Variants in MTDH observed in about 807,000 individuals in gnomAD.
MTDH encodes the protein metadherin.
Under a neutral mutation model 72.7 loss-of-function variants are expected in MTDH, and 34 were observed. The ratio of observed to expected loss-of-function variants is 0.47; its 90% CI spans 0.36 to 0.62. The LOEUF (loss-of-function observed/expected upper bound fraction) is 0.62. Among genes scored for constraint, MTDH ranks in the 20% least tolerant of loss-of-function variants. The pLI is 0.00. For missense variants in MTDH, 677 were observed against 699.4 expected (o/e 0.97, Z 0.36); for synonymous variants, 266 against 268.9 (o/e 0.99, Z 0.10).
At chr8:97,662,419 C>G (rs1812209582) in intron 2 of MTDH, among the ~76,000 whole-genome samples, 1 of 151,756 alleles carries the variant, frequency 6.6e-6, no homozygotes, top group South Asian at 2.1e-4. Flanking sequence ...CAAAACAAGA[C>G]AGTCACTGAT....
intron 1 of MTDH, among the ~76,000 whole-genome samples, chr8:97,654,491 T>G (rs774040301): frequency 6.6e-6 from 1 of 152,192 alleles, no homozygotes; most frequent in Non-Finnish European, 1.5e-5. Flanking sequence ...TAAGACTGTC[T>G]TATAGTCTAA....
chr8:97,661,672 A>G (rs1014117488), intron 2 of MTDH, among the ~76,000 whole-genome samples: 2 of 152,182 alleles, frequency 1.3e-5, no homozygotes, highest in Admixed American at 6.5e-5. Context: ...GCCAGGTGCT[A>G]TGGCTCATGC....
chr8:97,687,526 T>C lies in MTDH; in HGVS notation c.666T>C (p.Pro222=). The C allele has an allele frequency of 2.5e-6, 4 of 1,613,670 alleles. No homozygotes were observed. The highest frequency in any genetic ancestry group is 3.4e-6 in the Non-Finnish European group (4 of 1,179,738). The change falls in exon 4 of 12, where the codon CCT becomes CCC. Residue 222 remains proline, a synonymous_variant. Coordinates refer to ENST00000336273, the MANE Select transcript of MTDH (RefSeq NM_178812.4). ...CTGGTTCATTGGATTCAACTATCCC[T>C]GGGATAGAAAATACCATCACAGTTA... is the stretch of plus-strand genomic sequence containing the variant. ...TDSGSLDSTI[P]GIENTITVTT... is the part of the protein sequence containing the mutation.
At chr8:97,677,101 T>G (rs558756469) in intron 2 of MTDH, among the ~76,000 whole-genome samples, 1 of 141,968 alleles carries the variant, frequency 7.0e-6, no homozygotes, top group South Asian at 2.2e-4. Flanking sequence ...GAGGATCACT[T>G]GAGCCCAGGA....
chr8:97,644,490 C>T lies in MTDH; in HGVS notation c.-17C>T, dbSNP rs1563513826. 1.3e-6 allele frequency: 2 copies of T among 1,559,446 alleles called. No homozygotes were observed. The highest frequency in any genetic ancestry group is 2.4e-5 in the East Asian group (1 of 41,770). ...CGCCCCGGCGTCATCCTGCGAGTCC[C>T]TCTGACGGGAGGGAAGATGGCTGCA... On this transcript the variant is annotated 5_prime_UTR_variant, in exon 1 of 12. Coordinates refer to ENST00000336273, the MANE Select transcript of MTDH (RefSeq NM_178812.4).
intron 2 of MTDH, among the ~76,000 whole-genome samples, chr8:97,667,038 C>T (rs189533343): frequency 2.2e-4 from 34 of 151,610 alleles, no homozygotes; most frequent in Non-Finnish European, 4.9e-4. Flanking sequence ...GTTACCCAGC[C>T]TGGAGCGCAG....
At chr8:97,676,266 T>G (rs1812841639) in intron 2 of MTDH, among the ~76,000 whole-genome samples, 1 of 152,156 alleles carries the variant, frequency 6.6e-6, no homozygotes, top group South Asian at 2.1e-4. Context: ...TTTTATTTAC[T>G]TATTTTTGCT....
rs1815495989 is a variant in MTDH, at chr8:97,729,962, G to T, written c.*5292G>T. Among the ~76,000 whole-genome samples, 1 of 152,136 alleles carries T rather than the reference G, an allele frequency of 6.6e-6. No homozygotes were observed. The highest frequency in any genetic ancestry group is 6.6e-5 in the Admixed American group (1 of 15,256). Reference sequence around the variant, plus strand: ...TATAATATTTTAAAACATGAAAAAGGCATTACTATTGTTCTGGTCTAAGTA... The same window carrying T: ...TATAATATTTTAAAACATGAAAAAGTCATTACTATTGTTCTGGTCTAAGTA... On this transcript the variant is annotated 3_prime_UTR_variant, in exon 12 of 12. Transcript: ENST00000336273.
At chr8:97,645,808 T>C (rs1400136759) in intron 1 of MTDH, among the ~76,000 whole-genome samples, 2 of 152,226 alleles carry the variant, frequency 1.3e-5, no homozygotes, top group African/African-American at 4.8e-5. Context: ...TAAAAATATT[T>C]TACATTTGAG....
intron 11 of MTDH, 149 bp from the exon 12 acceptor site, chr8:97,724,451 A>C: frequency 1.8e-6 from 1 of 550,990 alleles, no homozygotes; most frequent in Non-Finnish European, 3.1e-6. Context: ...GAATAACTTA[A>C]AATATATAAC....
intron 9 of MTDH, among the ~76,000 whole-genome samples, chr8:97,715,379 T>C (rs537770943): frequency 6.6e-6 from 1 of 152,108 alleles, no homozygotes; most frequent in Non-Finnish European, 1.5e-5. Flanking sequence ...TCTTCCTGCC[T>C]CAGCCTCCCA....
At chr8:97,692,934 G>A (rs753108045) in intron 6 of MTDH, among the ~76,000 whole-genome samples, 2 of 152,108 alleles carry the variant, frequency 1.3e-5, no homozygotes, top group African/African-American at 2.4e-5. Flanking sequence ...GTTTCACCAT[G>A]TTGGCCACAC....
At chr8:97,695,899 A>G (rs765595876) in intron 6 of MTDH, among the ~76,000 whole-genome samples, 2 of 152,244 alleles carry the variant, frequency 1.3e-5, no homozygotes, top group Non-Finnish European at 2.9e-5. Context: ...AGCTTGGTAT[A>G]GTGGAAAAGA....
At chr8:97,660,438 A>C (rs899345518) in intron 1 of MTDH, among the ~76,000 whole-genome samples, 3 of 152,174 alleles carry the variant, frequency 2.0e-5, no homozygotes, top group Admixed American at 6.5e-5. Context: ...GCTACAATGG[A>C]GGAATTATGT....
Position 97,728,494 on chromosome 8 carries a change from A to G in MTDH, c.*3824A>G, listed in dbSNP as rs1317235927. ...CTTATGTCATTTTAGCAGTAGATGT[A>G]GCTGCCTGCCACCAGGTGCAATATG... On this transcript the variant is annotated 3_prime_UTR_variant, in exon 12 of 12. Coordinates refer to ENST00000336273, the MANE Select transcript of MTDH (RefSeq NM_178812.4). 2 of 152,182 alleles carry G rather than the reference A, an allele frequency of 1.3e-5. No homozygotes were observed. Among genetic ancestry groups the G allele is most frequent in the African/African-American group, 2.4e-5 (1 of 41,438 alleles). 9.4% of individuals were successfully genotyped at this position (152,182 alleles called of 1,614,324 possible).
chr8:97,663,252 CAG>C (rs1223409614), intron 2 of MTDH, among the ~76,000 whole-genome samples: 3 of 152,044 alleles, frequency 2.0e-5, no homozygotes, highest in Non-Finnish European at 2.9e-5. Flanking sequence ...TTGAATGTGA[CAG>C]GGTATAAAAT....
At position 97,726,159 on chromosome 8, in the gene MTDH, C is replaced by T. The variant is rs1476296168; in HGVS notation, c.*1489C>T. On this transcript the variant is annotated 3_prime_UTR_variant, in exon 12 of 12. Coordinates refer to ENST00000336273, the MANE Select transcript of MTDH (RefSeq NM_178812.4). ...GGTTTTAGTTTTGCTGAAGACTGGC[C>T]TTATTAATGGACAGCTTTCCTAACA... The T allele has an allele frequency of 6.6e-6, 1 of 152,560 alleles. No homozygotes were observed. Among genetic ancestry groups the T allele is most frequent in the Non-Finnish European group, 1.5e-5 (1 of 68,034 alleles). The allele number at this position is 152,560 out of a possible 1,614,324, so 9.5% of individuals were successfully genotyped here. A position where few individuals can be genotyped will look rare whatever the true frequency, so the allele number is the denominator to read the frequency against.
chr8:97,661,550 T>C (rs763555256), intron 2 of MTDH, among the ~76,000 whole-genome samples: 1 of 152,242 alleles, frequency 6.6e-6, no homozygotes, highest in Admixed American at 6.5e-5. Context: ...ATGAAAACCT[T>C]AGCAAAATCG....
At position 97,687,422 on chromosome 8, in the gene MTDH, A is replaced by G. The variant is rs774959822; in HGVS notation, c.569-7A>G. 12 of 1,580,470 alleles carry G rather than the reference A, an allele frequency of 7.6e-6. No individual in the cohort carries two copies. In the Middle Eastern group the frequency reaches 6.8e-4, roughly 89 times the overall value. On this transcript the variant is annotated splice_region_variant and splice_polypyrimidine_tract_variant and intron_variant, in intron 3 of 11. Coordinates refer to ENST00000336273, the MANE Select transcript of MTDH (RefSeq NM_178812.4). ...TGAATAACATTTTTTTTCTGGGGCTATGTCAGGAGCCTGGGAAACTAAAAT... is the reference window on the plus strand; with the variant it reads ...TGAATAACATTTTTTTTCTGGGGCTGTGTCAGGAGCCTGGGAAACTAAAAT...
Sources: allele counts gnomAD v4.1 joint callset (sites outside exome capture counted in the v4.1 genomes callset), GRCh38; gene constraint gnomAD v4.1.1; transcripts MANE v1.5; gene names NCBI Gene and HGNC (gene_info 2026-07-23, HGNC 2026-07-21).